Variants in PLD5 observed in about 807,000 individuals in gnomAD.
The protein encoded by PLD5 is phospholipase D family member 5.
In PLD5, 36 loss-of-function variants were observed where a neutral mutation model predicts 61.1. The observed-to-expected ratio is 0.59, with a 90% CI of 0.45 to 0.78. PLD5 has a LOEUF of 0.78. PLD5 is among the 30% of genes least tolerant of loss of function. The probability of loss-of-function intolerance (pLI) is 0.00; values close to 1 mark genes in which losing one functional copy is unlikely to be tolerated. For missense variants in PLD5, 515 were observed against 644.4 expected (o/e 0.80, Z 2.17); for synonymous variants, 243 against 242.8 (o/e 1.00, Z -0.01).
intron 1 of PLD5, among the ~76,000 whole-genome samples, chr1:242,465,300 CA>C (rs1667240547): frequency 6.6e-6 from 1 of 152,338 alleles, no homozygotes; most frequent in African/African-American, 2.4e-5. Context: ...ACACTATTAC[CA>C]GTCTGATCCA....
chr1:242,182,554 T>C (rs1341309827), intron 5 of PLD5, among the ~76,000 whole-genome samples: 1 of 152,110 alleles, frequency 6.6e-6, no homozygotes, highest in Non-Finnish European at 1.5e-5. Context: ...AAACCAGCTA[T>C]AGCACTGGCA....
chr1:242,235,950 A>AT (rs1671613108), intron 4 of PLD5: 1 of 152,108 alleles, frequency 6.6e-6, no homozygotes, highest in Non-Finnish European at 1.5e-5. Flanking sequence ...TCAAGCTTCG[A>AT]TTTTCTGTAA....
intron 5 of PLD5, among the ~76,000 whole-genome samples, 169 bp from the exon 6 acceptor site, chr1:242,124,834 G>T (rs1372484871): frequency 6.6e-6 from 1 of 152,168 alleles, no homozygotes; most frequent in Admixed American, 6.5e-5. Flanking sequence ...TTATAAAAAT[G>T]CTAAATATTT....
At chr1:242,508,077 T>G (rs928465991) in intron 1 of PLD5, among the ~76,000 whole-genome samples, 4 of 151,794 alleles carry the variant, frequency 2.6e-5, no homozygotes, top group Non-Finnish European at 4.4e-5. Flanking sequence ...AAGAAATGTG[T>G]GTTTGGCTGG....
chr1:242,225,448 G>C (rs1426945423), intron 4 of PLD5, among the ~76,000 whole-genome samples: 1 of 150,574 alleles, frequency 6.6e-6, no homozygotes, highest in African/African-American at 2.5e-5. Context: ...TTGCTGTTGA[G>C]TGATATTTCA....
chr1:242,430,843 G>A (rs1271465221), intron 1 of PLD5, among the ~76,000 whole-genome samples: 1 of 152,100 alleles, frequency 6.6e-6, no homozygotes, highest in Non-Finnish European at 1.5e-5. Context: ...AAGCATCAGG[G>A]CTAGATGAAG....
At chr1:242,189,860 T>A (rs898997103) in intron 5 of PLD5, among the ~76,000 whole-genome samples, 1 of 152,096 alleles carries the variant, frequency 6.6e-6, no homozygotes, top group African/African-American at 2.4e-5. Flanking sequence ...GGGGGCAAGC[T>A]TGGCATGTTC....
chr1:242,423,135 G>C (rs1665238970), intron 1 of PLD5, among the ~76,000 whole-genome samples: 3 of 152,098 alleles, frequency 2.0e-5, no homozygotes, highest in Non-Finnish European at 2.9e-5. Context: ...ACAGGTGAGA[G>C]CCACTGCATC....
intron 2 of PLD5, among the ~76,000 whole-genome samples, chr1:242,346,143 T>C (rs1660123622): frequency 1.4e-5 from 2 of 145,704 alleles, no homozygotes; most frequent in Non-Finnish European, 3.0e-5. Context: ...TAGAATAATA[T>C]TTTCCAGATG....
intron 1 of PLD5, among the ~76,000 whole-genome samples, chr1:242,430,665 TC>T (rs548429051): frequency 3.9e-5 from 6 of 152,236 alleles, no homozygotes; most frequent in African/African-American, 1.4e-4. Context: ...GAAGTCCCTG[TC>T]CTAAACTGCC....
At chr1:242,442,240 T>C (rs2102908832) in intron 1 of PLD5, among the ~76,000 whole-genome samples, 1 of 152,302 alleles carries the variant, frequency 6.6e-6, no homozygotes, top group Admixed American at 6.5e-5. Context: ...TGCTTATATG[T>C]TTTTTTGTAA....
Position 242,524,348 on chromosome 1 carries a change from G to A in PLD5, c.-72C>T, listed in dbSNP as rs576358330. On this transcript the variant is annotated 5_prime_UTR_variant, in exon 1 of 10. Transcript: ENST00000536534. The stretch of plus-strand genomic sequence containing the variant: ...GCGCGCGGGGAGCCGGGCGCGGAGG[G>A]CGAGCGGGAGGCCCAGCGGGAGCCG... The A allele has an allele frequency of 2.0e-4, 263 of 1,310,258 alleles. 1 individual carries two copies. The African/African-American group carries it at 3.7e-3, about 18-fold the overall frequency. The allele number at this position is 1,310,258 out of a possible 1,614,324, so 81.2% of individuals were successfully genotyped here. A position where few individuals can be genotyped will look rare whatever the true frequency, so the allele number is the denominator to read the frequency against.
intron 1 of PLD5, among the ~76,000 whole-genome samples, chr1:242,434,304 C>T (rs543096174): frequency 4.8e-4 from 73 of 152,208 alleles, no homozygotes; most frequent in African/African-American, 1.7e-3. Context: ...AGAGAAGAGC[C>T]GAGAAGACTT....
At chr1:242,367,115 C>T (rs535858297) in intron 1 of PLD5, among the ~76,000 whole-genome samples, 16 of 151,856 alleles carry the variant, frequency 1.1e-4, no homozygotes, top group African/African-American at 3.4e-4. Flanking sequence ...TACTCTACTC[C>T]CCATCTTATA....
In PLD5 at chr1:242,233,039, A is replaced by G. The variant is rs185808554; in HGVS notation, c.608-12924T>C. Among the ~76,000 whole-genome samples, 110 of 152,222 alleles carry G rather than the reference A, an allele frequency of 7.2e-4. 1 individual carries two copies. In the East Asian group the frequency reaches 0.02, roughly 27 times the overall value. ...CGTGGTGGCAGGAGCCTGTAATCCCAGCTACTTGGGAGGCTGAGGCAGAAG... is the reference window on the plus strand; with the variant it reads ...CGTGGTGGCAGGAGCCTGTAATCCCGGCTACTTGGGAGGCTGAGGCAGAAG... On this transcript the variant is annotated intron_variant, in intron 4 of 9. Transcript: ENST00000536534.
At chr1:242,292,747 T>C (rs1490868730) in intron 2 of PLD5, among the ~76,000 whole-genome samples, 1 of 152,230 alleles carries the variant, frequency 6.6e-6, no homozygotes, top group African/African-American at 2.4e-5. Context: ...TCCTGTGGTA[T>C]GGTTATAGAC....
At chr1:242,490,496 C>A (rs946038969) in intron 1 of PLD5, among the ~76,000 whole-genome samples, 20 of 152,232 alleles carry the variant, frequency 1.3e-4, no homozygotes, top group African/African-American at 4.3e-4. Context: ...TGGCCCTCTT[C>A]GGTTTTGTTC....
At chr1:242,220,903 A>G (rs554247295) in intron 4 of PLD5, among the ~76,000 whole-genome samples, 2 of 151,980 alleles carry the variant, frequency 1.3e-5, no homozygotes, top group Admixed American at 6.6e-5. Context: ...TGCCCGGCTA[A>G]TTTTTGTACT....
At chr1:242,144,278 C>A (rs1467777910) in intron 5 of PLD5, among the ~76,000 whole-genome samples, 1 of 151,402 alleles carries the variant, frequency 6.6e-6, no homozygotes, top group Non-Finnish European at 1.5e-5. Context: ...TATTATTAAA[C>A]AAACCAAAAT....
Sources: gnomAD v4.1 joint callset for allele counts (sites outside exome capture counted in the v4.1 genomes callset) on GRCh38, gnomAD v4.1.1 for gene constraint, MANE v1.5 for transcripts, NCBI Gene and HGNC (gene_info 2026-07-23, HGNC 2026-07-21) for gene names.